GRM7: variants seen among roughly 807,000 people sequenced by gnomAD.
GRM7 encodes the protein glutamate metabotropic receptor 7, also known as metabotropic glutamate receptor 7.
Under a neutral mutation model 84.5 loss-of-function variants are expected in GRM7, and 35 were observed. That is an observed-to-expected ratio of 0.41 (90% CI 0.32 to 0.55). GRM7 has a LOEUF of 0.55. Ranked by LOEUF, GRM7 falls within the 20% of genes least tolerant of loss-of-function variation. The pLI is 0.19. For missense variants in GRM7, 1,003 were observed against 1,194.6 expected (o/e 0.84, Z 2.36); for synonymous variants, 487 against 455.1 (o/e 1.07, Z -0.89).
chr3:6,963,269 A>T (rs1489078316), intron 1 of GRM7, among the ~76,000 whole-genome samples: 2 of 152,190 alleles, frequency 1.3e-5, no homozygotes, highest in Non-Finnish European at 2.9e-5. Context: ...GTTCTGAAGA[A>T]CTTTTATGGG....
rs187735224 is a variant in GRM7, at chr3:7,478,554, G to A, written c.1515+16832G>A. Among the ~76,000 whole-genome samples the A allele has an allele frequency of 4.7e-3, 706 of 151,630 alleles. 3 individuals carry two copies. The highest frequency in any genetic ancestry group is 0.017 in the African/African-American group (685 of 40,952). On this transcript the variant is annotated intron_variant, in intron 7 of 9. Transcript: ENST00000357716. ...ACATTTCAAATATTTAATAATCAGT[G>A]AGAGTTAGGGAGCAATCAATGAGTA...
intron 8 of GRM7, among the ~76,000 whole-genome samples, chr3:7,674,241 GA>G (rs965148571): frequency 1.2e-3 from 182 of 151,858 alleles, no homozygotes; most frequent in African/African-American, 4.2e-3. Context: ...ACCCAGGCTG[GA>G]ATACAGTGAC....
At chr3:7,022,366 T>TACACACACACACAC (rs1695810154) in intron 1 of GRM7, among the ~76,000 whole-genome samples, 1 of 46,346 alleles carries the variant, frequency 2.2e-5, no homozygotes, top group African/African-American at 1.3e-4. Flanking sequence ...TACACACACA[T>TACACACACACACAC]GCACACACAC....
rs192796658 is a variant in GRM7, at chr3:7,093,801, C to T, written c.520-52651C>T. On this transcript the variant is annotated intron_variant, in intron 1 of 9. Coordinates refer to ENST00000357716, the MANE Select transcript of GRM7 (RefSeq NM_000844.4). ...TAAACTTCAATTGAATACTTAAGCT[C>T]CCCTATTGAATACTTACTATGTAGT... is the stretch of plus-strand genomic sequence containing the variant. Among the ~76,000 whole-genome samples, 1,314 of 151,034 alleles carry T rather than the reference C, an allele frequency of 8.7e-3. 16 individuals carry two copies. The highest frequency in any genetic ancestry group is 0.03 in the African/African-American group (1,245 of 41,130).
At chr3:7,352,057 C>CCACACACA (rs56873432) in intron 4 of GRM7, among the ~76,000 whole-genome samples, 9,675 of 136,840 alleles carry the variant, frequency 0.071, 507 homozygotes, top group African/African-American at 0.13. Context: ...CACACACACA[C>CCACACACA]CACACACACA....
At chr3:7,713,130 T>G (rs2875288) in intron 9 of GRM7, among the ~76,000 whole-genome samples, 1,034 of 73,902 alleles carry the variant, frequency 0.014, 28 homozygotes, top group East Asian at 0.075. Context: ...TTTTGTTTTT[T>G]TTTTTTTTTT....
At chr3:7,080,688 A>G (rs1698247772) in intron 1 of GRM7, among the ~76,000 whole-genome samples, 1 of 140,458 alleles carries the variant, frequency 7.1e-6, no homozygotes, top group South Asian at 2.3e-4. Flanking sequence ...GTATATTTGT[A>G]TATATATATA....
chr3:6,986,623 C>G (rs1220558116), intron 1 of GRM7, among the ~76,000 whole-genome samples: 4 of 152,168 alleles, frequency 2.6e-5, no homozygotes, highest in Non-Finnish European at 4.4e-5. Context: ...CTCTCTACTT[C>G]TCTCCCTTCT....
chr3:7,466,007 G>C (rs745442767), intron 7 of GRM7, among the ~76,000 whole-genome samples: 2 of 152,070 alleles, frequency 1.3e-5, no homozygotes, highest in Non-Finnish European at 2.9e-5. Flanking sequence ...AGAATTCTGT[G>C]GAAGGGAATC....
chr3:7,220,507 T>G (rs9859960), intron 2 of GRM7, among the ~76,000 whole-genome samples: 122 of 152,054 alleles, frequency 8.0e-4, no homozygotes, highest in South Asian at 1.0e-3. Flanking sequence ...ACAAGGAAAG[T>G]TGGAAAAACT....
chr3:7,005,510 G>T (rs1695152343), intron 1 of GRM7, among the ~76,000 whole-genome samples: 1 of 152,116 alleles, frequency 6.6e-6, no homozygotes, highest in East Asian at 1.9e-4. Context: ...ATGTTCAATA[G>T]TACCATATGT....
intron 7 of GRM7, among the ~76,000 whole-genome samples, chr3:7,558,193 A>G (rs944872433): frequency 2.0e-5 from 3 of 152,140 alleles, no homozygotes; most frequent in Non-Finnish European, 2.9e-5. Context: ...TTTACATTTA[A>G]TGCTTGAGCC....
In GRM7 at chr3:6,861,408, T is replaced by A; in HGVS notation, c.20T>A (p.Leu7Gln). The change falls in exon 1 of 10, where the codon CTG (leucine) becomes CAG (glutamine). Residue 7 changes from leucine (L) to glutamine (Q), a missense_variant. Physicochemically the swap from Leu to Gln is moderately radical, Grantham distance 113. Coordinates refer to ENST00000357716, the MANE Select transcript of GRM7 (RefSeq NM_000844.4). This position sits in a 1 kb window ranked among gnomAD's most constrained non-coding sequence, Gnocchi z 6.4. The part of the protein sequence containing the change: MVQLRK[L>Q]LRVLTLMKFP... ...AGCAGCATGGTCCAGCTGAGGAAGC[T>A]GCTCCGCGTCCTGACTTTGATGAAG... The A allele has an allele frequency of 5.0e-6, 8 of 1,584,692 alleles. No individual in the cohort carries two copies. The highest frequency in any genetic ancestry group is 6.8e-6 in the Non-Finnish European group (8 of 1,168,154).
intron 8 of GRM7, among the ~76,000 whole-genome samples, chr3:7,622,650 G>T (rs1197872011): frequency 6.6e-6 from 1 of 152,030 alleles, no homozygotes; most frequent in Non-Finnish European, 1.5e-5. Context: ...GCTTAGCTAG[G>T]GTTCAGTAAG....
chr3:7,239,334 T>G (rs1172556436), intron 2 of GRM7, among the ~76,000 whole-genome samples: 1 of 152,080 alleles, frequency 6.6e-6, no homozygotes, highest in Non-Finnish European at 1.5e-5. Flanking sequence ...AGTCCAAATG[T>G]GATGTAGTAA....
intron 7 of GRM7, among the ~76,000 whole-genome samples, chr3:7,568,863 T>A (rs1372978668): frequency 1.3e-5 from 2 of 152,104 alleles, no homozygotes; most frequent in Admixed American, 1.3e-4. Context: ...CAGCCCGCCA[T>A]GCCTGAGCGC....
At chr3:7,093,087 A>T (rs1424530277) in intron 1 of GRM7, among the ~76,000 whole-genome samples, 2 of 152,150 alleles carry the variant, frequency 1.3e-5, no homozygotes, top group African/African-American at 4.8e-5. Context: ...CACCAACAAC[A>T]GCGACAACAA....
At chr3:6,920,551 A>G (rs986069187) in intron 1 of GRM7, among the ~76,000 whole-genome samples, 27 of 89,372 alleles carry the variant, frequency 3.0e-4, no homozygotes, top group Non-Finnish European at 5.6e-4. Flanking sequence ...GTGAGACTCC[A>G]TGTCAAAAAA....
At position 7,376,971 on chromosome 3, in the gene GRM7, G is replaced by A. The variant is rs185927544; in HGVS notation, c.1034-38052G>A. ...AAAATGTCACTAGACAATGCCAAACGTCCCCTGGGGGACGAAATCACTTTC... is the reference window on the plus strand; with the variant it reads ...AAAATGTCACTAGACAATGCCAAACATCCCCTGGGGGACGAAATCACTTTC... On this transcript the variant is annotated intron_variant, in intron 4 of 9. Transcript: ENST00000357716. Among the ~76,000 whole-genome samples the A allele has an allele frequency of 2.1e-4, 32 of 152,244 alleles. No homozygotes were observed. In the East Asian group the frequency reaches 5.4e-3, roughly 26 times the overall value.
Sources: gnomAD v4.1 joint callset for allele counts (sites outside exome capture counted in the v4.1 genomes callset) on GRCh38, gnomAD v4.1.1 for gene constraint, Gnocchi (gnomAD v3.1) non-coding constraint, MANE v1.5 for transcripts, NCBI Gene and HGNC (gene_info 2026-07-23, HGNC 2026-07-21) for gene names.